Variants in LRGUK observed in about 807,000 individuals in gnomAD.
LRGUK encodes the protein leucine-rich repeat and guanylate kinase domain-containing protein.
Under a neutral mutation model 76.0 loss-of-function variants are expected in LRGUK, and 65 were observed. That is an observed-to-expected ratio of 0.85 (90% CI 0.70 to 1.05). LRGUK has a LOEUF of 1.05. LRGUK is among the 50% of genes least tolerant of loss of function. The pLI, the probability that LRGUK is intolerant of heterozygous loss-of-function variation, is 0.00. For missense variants in LRGUK, 758 were observed against 732.8 expected (o/e 1.03, Z -0.40); for synonymous variants, 268 against 265.6 (o/e 1.01, Z -0.09).
In LRGUK at chr7:134,127,646, C is replaced by A. The variant is rs189600548; in HGVS notation, c.279C>A (p.Ser93=). ...CGGGATCCGAGGAGTCCTCAGAGTC[C>A]GAAATGCTGAATTTGGAGGTGTGTC... Residue 93 remains serine, a synonymous_variant, in exon 1 of 16, where the codon TCC becomes TCA. Transcript: ENST00000645682. The A allele has an allele frequency of 1.0e-4, 164 of 1,613,406 alleles. 1 individual carries two copies. In the East Asian group the frequency reaches 2.0e-3, roughly 20 times the overall value.
chr7:134,135,862 T>C (rs1029537328), intron 1 of LRGUK, among the ~76,000 whole-genome samples: 3 of 152,190 alleles, frequency 2.0e-5, no homozygotes, highest in African/African-American at 4.8e-5. Context: ...TTCACCGTGT[T>C]AGCCAGGATG....
At chr7:134,258,769 A>G (rs1585609487) in intron 19 of LRGUK, among the ~76,000 whole-genome samples, 2 of 152,004 alleles carry the variant, frequency 1.3e-5, no homozygotes, top group African/African-American at 4.8e-5. Context: ...ATTTGTTTAT[A>G]TATGTTTCCT....
At chr7:134,157,038 G>A (rs993538549) in intron 5 of LRGUK, among the ~76,000 whole-genome samples, 13 of 152,250 alleles carry the variant, frequency 8.5e-5, no homozygotes, top group African/African-American at 1.9e-4. Context: ...AGAACAGAGA[G>A]AGCTGAACAG....
At chr7:134,186,214 A>G (rs1799974801) in intron 11 of LRGUK, among the ~76,000 whole-genome samples, 1 of 152,166 alleles carries the variant, frequency 6.6e-6, no homozygotes, top group South Asian at 2.1e-4. Context: ...TTTGTTGGAT[A>G]TGTTTTTAGA....
At chr7:134,186,216 G>A (rs1157810698) in intron 11 of LRGUK, among the ~76,000 whole-genome samples, 1 of 152,160 alleles carries the variant, frequency 6.6e-6, no homozygotes, top group Non-Finnish European at 1.5e-5. Flanking sequence ...TGTTGGATAT[G>A]TTTTTAGAGA....
intron 5 of LRGUK, among the ~76,000 whole-genome samples, chr7:134,154,489 CTG>C (rs1020767085): frequency 1.6e-4 from 25 of 152,186 alleles, no homozygotes; most frequent in Non-Finnish European, 3.1e-4. Context: ...CATGAGGTGA[CTG>C]TGGGAGCAAG....
intron 7 of LRGUK, among the ~76,000 whole-genome samples, chr7:134,164,100 A>AT (rs1379406516): frequency 6.6e-6 from 1 of 152,184 alleles, no homozygotes; most frequent in Non-Finnish European, 1.5e-5. Context: ...GATTTTAAAC[A>AT]TTTTTACCGC....
rs1425955290 is a variant in LRGUK, at chr7:134,221,887, G to A, written c.1952G>A (p.Trp651Ter). The change falls in exon 16 of 20, where the codon TGG (tryptophan) becomes TAG (stop). Residue 651 changes from tryptophan (W) to a stop codon, truncating the protein, a stop_gained. Transcript: ENST00000285928. LOFTEE classifies it high-confidence loss of function. ...GACAGAAACTACCTCATTAAATTTT[G>A]GGCCAAACTTTCAGCCAAAAAAACA... The A allele has an allele frequency of 1.3e-6, 2 of 1,593,416 alleles. No individual in the cohort carries two copies. Among genetic ancestry groups the A allele is most frequent in the African/African-American group, 2.7e-5 (2 of 73,364 alleles).
chr7:134,139,914 A>G (rs1797699745), intron 3 of LRGUK, among the ~76,000 whole-genome samples: 2 of 150,750 alleles, frequency 1.3e-5, no homozygotes, highest in Non-Finnish European at 3.0e-5. Context: ...TTGCTTTTGC[A>G]TTTATATTTT....
chr7:134,218,805 T>C (rs1350632693), intron 15 of LRGUK, among the ~76,000 whole-genome samples: 2 of 152,216 alleles, frequency 1.3e-5, no homozygotes, highest in Admixed American at 6.5e-5. Context: ...TTTAATTTGT[T>C]TGATTTCAAA....
At chr7:134,194,551 G>T (rs1034936421) in intron 12 of LRGUK, among the ~76,000 whole-genome samples, 1 of 151,982 alleles carries the variant, frequency 6.6e-6, no homozygotes, top group African/African-American at 2.4e-5. Context: ...AGACCAGCCT[G>T]GGCAACAAAA....
intron 6 of LRGUK, among the ~76,000 whole-genome samples, chr7:134,162,299 G>A (rs1251559090): frequency 6.6e-6 from 1 of 152,066 alleles, no homozygotes. Context: ...GGATGGCAAG[G>A]TTTTTCTCTC....
intron 19 of LRGUK, among the ~76,000 whole-genome samples, chr7:134,263,354 A>G (rs560045792): frequency 6.5e-4 from 94 of 144,284 alleles, no homozygotes; most frequent in Non-Finnish European, 1.2e-3. Context: ...GAGCAGACCA[A>G]TCTTTAGAGG....
chr7:134,153,214 T>A (rs59342014), intron 5 of LRGUK, among the ~76,000 whole-genome samples: 19,710 of 152,022 alleles, frequency 0.13, 1,620 homozygotes, highest in East Asian at 0.33. Context: ...TATTTAAAAT[T>A]AAAAAAATCA....
chr7:134,208,074 G>C (rs921987005), intron 15 of LRGUK, among the ~76,000 whole-genome samples: 5 of 152,204 alleles, frequency 3.3e-5, no homozygotes, highest in African/African-American at 1.2e-4. Context: ...CTGGGGATGT[G>C]AGTGCGGGAA....
rs1345735728 is a variant in LRGUK, at chr7:134,201,489, G to A, written c.1756G>A (p.Asp586Asn). Residue 586 changes from aspartate (D) to asparagine (N), a missense_variant, in exon 15 of 16, where the codon GAT (aspartate) becomes AAT (asparagine). Asp to Asn is a conservative substitution (Grantham distance 23, BLOSUM62 1). Coordinates refer to ENST00000645682, the Ensembl canonical transcript of LRGUK. Reference sequence around the variant, plus strand: ...TACTCTCTTTGCTGCAGATGATCTGGATGTTGCCTACCAAAAACTGAGTCA... The same window carrying A: ...TACTCTCTTTGCTGCAGATGATCTGAATGTTGCCTACCAAAAACTGAGTCA... 3.7e-6 allele frequency: 6 copies of A among 1,613,464 alleles called. No individual in the cohort carries two copies. The highest frequency in any genetic ancestry group is 2.7e-5 in the African/African-American group (2 of 74,878).
At chr7:134,272,321 A>ATT in the LRGUK span, among the ~76,000 whole-genome samples, 1 of 151,716 alleles carries the variant, frequency 6.6e-6, no homozygotes, top group Non-Finnish European at 1.5e-5. Flanking sequence ...TTCCTTTTTC[A>ATT]TTTTTTCCTA....
chr7:134,176,595 T>A (rs1203347682), intron 8 of LRGUK, among the ~76,000 whole-genome samples: 2 of 152,112 alleles, frequency 1.3e-5, no homozygotes, highest in Non-Finnish European at 2.9e-5. Context: ...TTAGCCAGGA[T>A]GTTCTCGATC....
chr7:134,150,199 C>G (rs950236188), intron 5 of LRGUK, among the ~76,000 whole-genome samples: 1 of 151,570 alleles, frequency 6.6e-6, no homozygotes, highest in African/African-American at 2.4e-5. Context: ...GGCATGAACC[C>G]GGGAGGCAGA....
Sources: allele counts gnomAD v4.1 joint callset (sites outside exome capture counted in the v4.1 genomes callset), GRCh38; gene constraint gnomAD v4.1.1; transcripts MANE v1.5; gene names NCBI Gene and HGNC (gene_info 2026-07-23, HGNC 2026-07-21).